The following EN1 variants were observed in gnomAD, a reference collection of about 807,000 sequenced individuals.
The protein encoded by EN1 is homeobox protein engrailed-1.
EN1 carries 8 observed loss-of-function variants against 22.9 expected under a neutral mutation model. That is an observed-to-expected ratio of 0.35 (90% CI 0.20 to 0.63). EN1 has a LOEUF of 0.63. Among genes scored for constraint, EN1 ranks in the 20% least tolerant of loss-of-function variants. The pLI is 0.73. For synonymous variants in EN1, 287 were observed against 262.5 expected (o/e 1.09, Z -0.90); for missense variants, 521 against 572.1 (o/e 0.91, Z 0.91).
chr2:118,846,610 G>A lies in EN1; in HGVS notation c.558C>T (p.Ala186=). The A allele has an allele frequency of 2.1e-6, 3 of 1,411,072 alleles. No individual in the cohort carries two copies. The highest frequency in any genetic ancestry group is 2.8e-6 in the Non-Finnish European group (3 of 1,086,222). The allele number at this position is 1,411,072 out of a possible 1,614,324, so 87.4% of individuals were successfully genotyped here. Residue 186 remains alanine (A), a synonymous_variant, in exon 1 of 2, where the codon GCC becomes GCT. Transcript: ENST00000295206. The surrounding 1 kb of genome is among the most constrained non-coding windows in gnomAD (Gnocchi z 5.0). Reference sequence around the variant, plus strand: ...CTTTAGACGCGCCCGCGCCGGCGGCGGCTGGCTGGGAGCCGTCGGGTGGGC... The same window carrying A: ...CTTTAGACGCGCCCGCGCCGGCGGCAGCTGGCTGGGAGCCGTCGGGTGGGC... The part of the protein sequence containing the change: ...NCGPPDGSQP[A]AAGAGASKAG...
rs757212129 is a variant in EN1 at position 118,846,685 on chromosome 2, G to T, written c.483C>A (p.Thr161=). 1 of 1,583,386 alleles carries T rather than the reference G, an allele frequency of 6.3e-7. No individual in the cohort carries two copies. The highest frequency in any genetic ancestry group is 1.1e-5 in the South Asian group (1 of 88,702). Residue 161 remains threonine (T), a synonymous_variant, in exon 1 of 2, where the codon ACC becomes ACA. Transcript: ENST00000295206. This position sits in a 1 kb window ranked among gnomAD's most constrained non-coding sequence, Gnocchi z 5.0. The part of the protein sequence containing the change: ...AGRDPVHPLG[T]RAPGAASLLC... ...GGAGCGAGGCAGCGCCTGGCGCCCG[G>T]GTGCCCAACGGGTGGACAGGGTCTC...
rs1232545474 is a variant in EN1, at chr2:118,847,134, G to T, written c.34C>A (p.Arg12Ser). 6 of 1,302,790 alleles carry T rather than the reference G, an allele frequency of 4.6e-6. No homozygotes were observed. Among genetic ancestry groups the T allele is most frequent in the Non-Finnish European group, 6.1e-6 (6 of 980,072 alleles). The allele number at this position is 1,302,790 out of a possible 1,614,324, so 80.7% of individuals were successfully genotyped here. The stretch of plus-strand genomic sequence containing the variant: ...GCCGCCGCGCCGAGGGCCGAGTCGC[G>T]CTGACTTTTAGGTTCCGGCTGCTGT... ...EEQQPEPKSQ[R>S]DSALGAAAAA... The change falls in exon 1 of 2, where the codon CGC becomes AGC. Residue 12 changes from arginine (R) to serine (S), a missense_variant. By Grantham distance (110) the Arg-to-Ser change is moderately radical (BLOSUM62 -1). Around this residue, in one of 3 missense-constraint regions of EN1, gnomAD observed 436 missense variants for 410.1 expected, o/e 1.06. Coordinates refer to ENST00000295206, the MANE Select transcript of EN1 (RefSeq NM_001426.4).
In EN1 at chr2:118,847,296, A is replaced by C; in HGVS notation, c.-129T>G. 2.4e-6 allele frequency: 1 copy of C among 410,670 alleles called. No individual in the cohort carries two copies. Among genetic ancestry groups the C allele is most frequent in the East Asian group, 4.0e-5 (1 of 24,808 alleles). The allele number at this position is 410,670 out of a possible 1,614,324, so 25.4% of individuals were successfully genotyped here. A position where few individuals can be genotyped will look rare whatever the true frequency, so the allele number is the denominator to read the frequency against. ...AGGCAGGCGAAGCCTCAGCGAAGGCACGGGGCGGGTGCAGGAAAAAAGCTC... is the reference window on the plus strand; with the variant it reads ...AGGCAGGCGAAGCCTCAGCGAAGGCCCGGGGCGGGTGCAGGAAAAAAGCTC... On this transcript the variant is annotated 5_prime_UTR_variant, in exon 1 of 2. Coordinates refer to ENST00000295206, the MANE Select transcript of EN1 (RefSeq NM_001426.4).
Position 118,846,158 on chromosome 2 carries a change from C to T in EN1, c.862+148G>A, listed in dbSNP as rs954993041. ...AGGATCGCATAGCTGGATGAACATT[C>T]GGTTGTGACTGGAACTGGGGTGAGG... On this transcript the variant is annotated intron_variant, in intron 1 of 1. Coordinates refer to ENST00000295206, the MANE Select transcript of EN1 (RefSeq NM_001426.4). This position sits in a 1 kb window ranked among gnomAD's most constrained non-coding sequence, Gnocchi z 5.0. 52 of 1,257,256 alleles carry T rather than the reference C, an allele frequency of 4.1e-5. No homozygotes were observed. The highest frequency in any genetic ancestry group is 4.8e-5 in the Non-Finnish European group (45 of 927,992). The allele number at this position is 1,257,256 out of a possible 1,614,324, so 77.9% of individuals were successfully genotyped here. A position where few individuals can be genotyped will look rare whatever the true frequency, so the allele number is the denominator to read the frequency against.
intron 1 of EN1, 26 bp from the exon 2 acceptor site, chr2:118,843,280 G>C: frequency 8.2e-7 from 1 of 1,212,970 alleles, no homozygotes. Flanking sequence ...GGGCCGGGGT[G>C]GGGTGGGGGT....
rs139317083 is a variant in EN1 at position 118,844,975 on chromosome 2, T to C, written c.862+1331A>G. Among the ~76,000 whole-genome samples the C allele has an allele frequency of 2.2e-3, 336 of 152,382 alleles. 1 individual carries two copies. The highest frequency in any genetic ancestry group is 7.4e-3 in the African/African-American group (308 of 41,602). On this transcript the variant is annotated intron_variant, in intron 1 of 1. Transcript: ENST00000295206. ...CCCAAAAAGGCCCCACTGCCCGTTC[T>C]GCATCCGGGACATGTTGAAGTGTTG...
intron 1 of EN1, among the ~76,000 whole-genome samples, chr2:118,844,956 A>G (rs1678245771): frequency 6.6e-6 from 1 of 152,180 alleles, no homozygotes; most frequent in African/African-American, 2.4e-5. Context: ...CAGCCCCAAA[A>G]AGGCCCCACT....
At position 118,847,432 on chromosome 2, in the gene EN1, T is replaced by C. The variant is rs933667555; in HGVS notation, c.-265A>G. ...GAGACACTTGGCTATTTCTTTTTTC[T>C]TTCTGCAACCAGATTCAATGATTTG... On this transcript the variant is annotated 5_prime_UTR_variant, in exon 1 of 2. Coordinates refer to ENST00000295206, the MANE Select transcript of EN1 (RefSeq NM_001426.4). The C allele has an allele frequency of 6.3e-5, 20 of 318,316 alleles. No individual in the cohort carries two copies. The highest frequency in any genetic ancestry group is 1.1e-4 in the Non-Finnish European group (19 of 175,756). 19.7% of individuals were successfully genotyped at this position (318,316 alleles called of 1,614,324 possible). A position where few individuals can be genotyped will look rare whatever the true frequency, so the allele number is the denominator to read the frequency against.
In EN1 at chr2:118,846,410, A is replaced by G. The variant is rs761721630; in HGVS notation, c.758T>C (p.Met253Thr). 3.1e-6 allele frequency: 5 copies of G among 1,613,336 alleles called. No homozygotes were observed. The South Asian group carries it at 3.3e-5, about 11-fold the overall frequency. The change falls in exon 1 of 2, where the codon ATG (methionine) becomes ACG (threonine). Residue 253 changes from methionine (M) to threonine (T), a missense_variant. Met to Thr is a moderately conservative substitution (Grantham distance 81). This residue lies in a region of EN1 where 436 missense variants were observed against 410.1 expected (regional missense o/e 1.06). Coordinates refer to ENST00000295206, the MANE Select transcript of EN1 (RefSeq NM_001426.4). The surrounding 1 kb of genome is among the most constrained non-coding windows in gnomAD (Gnocchi z 5.0). ...CACGGGCCCGCCGTTGGCTGAGCCCATAAGTAGGATAGCCGGGTTGCCGTG... is the reference window on the plus strand; with the variant it reads ...CACGGGCCCGCCGTTGGCTGAGCCCGTAAGTAGGATAGCCGGGTTGCCGTG... ...PEHGNPAILL[M>T]GSANGGPVVK...
chr2:118,845,398 C>T (rs1678254154), intron 1 of EN1, among the ~76,000 whole-genome samples: 1 of 152,208 alleles, frequency 6.6e-6, no homozygotes, highest in Admixed American at 6.5e-5. Context: ...GCTCAGGTCT[C>T]CTCCTCGGGT....
chr2:118,845,338 A>C (rs1010153478), intron 1 of EN1, among the ~76,000 whole-genome samples: 4 of 152,216 alleles, frequency 2.6e-5, no homozygotes, highest in African/African-American at 9.6e-5. Flanking sequence ...TCTCCCAGAC[A>C]CTGCGGGCCG....
chr2:118,845,985 G>A (rs1213353866), intron 1 of EN1, among the ~76,000 whole-genome samples: 1 of 152,186 alleles, frequency 6.6e-6, no homozygotes, highest in Non-Finnish European at 1.5e-5. Context: ...ACCCTGGAAA[G>A]AAAATCACTG....
Position 118,847,059 on chromosome 2 carries a change from C to G in EN1, c.109G>C (p.Gly37Arg). ...LSLSLSPGAS[G>R]SSGSGSDGDS... ...CCATCGCTGCCGCTGCCGCTGCTGC[C>G]GCTGGCGCCCGGACTGAGGCTCAGG... The change falls in exon 1 of 2, where the codon GGC becomes CGC. Residue 37 changes from glycine (G) to arginine (R), a missense_variant. Physicochemically the swap from Gly to Arg is moderately radical, Grantham distance 125. Around this residue, in one of 3 missense-constraint regions of EN1, gnomAD observed 436 missense variants for 410.1 expected, o/e 1.06. Coordinates refer to ENST00000295206, the MANE Select transcript of EN1 (RefSeq NM_001426.4). 7.1e-7 allele frequency: 1 copy of G among 1,416,858 alleles called. No homozygotes were observed. The highest frequency in any genetic ancestry group is 9.2e-7 in the Non-Finnish European group (1 of 1,087,550). The allele number at this position is 1,416,858 out of a possible 1,614,324, so 87.8% of individuals were successfully genotyped here.
chr2:118,846,819 A>G lies in EN1; in HGVS notation c.349T>C (p.Cys117Arg). 6.3e-7 allele frequency: 1 copy of G among 1,594,560 alleles called. No homozygotes were observed. The highest frequency in any genetic ancestry group is 8.5e-7 in the Non-Finnish European group (1 of 1,176,590). ...IDNILRPDFGCKKEQPPPQLL... is the reference protein window; with the variant it reads ...IDNILRPDFGRKKEQPPPQLL... ...TGCGGTGGCGGCTGCTCCTTTTTGC[A>G]GCCGAAGTCCGGCCTCAGGATGTTG... Residue 117 changes from cysteine (C) to arginine (R), a missense_variant, in exon 1 of 2, where the codon TGC becomes CGC. This residue lies in a region of EN1 where 436 missense variants were observed against 410.1 expected (regional missense o/e 1.06). Transcript: ENST00000295206. The surrounding 1 kb of genome is among the most constrained non-coding windows in gnomAD (Gnocchi z 5.0).
Position 118,846,289 on chromosome 2 carries a change from C to G in EN1, c.862+17G>C, listed in dbSNP as rs771787747. On this transcript the variant is annotated intron_variant, in intron 1 of 1. Coordinates refer to ENST00000295206, the MANE Select transcript of EN1 (RefSeq NM_001426.4). The surrounding 1 kb of genome is among the most constrained non-coding windows in gnomAD (Gnocchi z 5.0). ...CGGGGCCAGAAGGCATGGCGCAGCC[C>G]GGAGTTGGGTACTCACCGGAGGATG... is the stretch of plus-strand genomic sequence containing the variant. The G allele has an allele frequency of 1.2e-6, 2 of 1,603,660 alleles. No individual in the cohort carries two copies. Among genetic ancestry groups the G allele is most frequent in the Admixed American group, 1.7e-5 (1 of 58,912 alleles).
chr2:118,844,700 G>A (rs1397453262), intron 1 of EN1, among the ~76,000 whole-genome samples: 1 of 152,228 alleles, frequency 6.6e-6, no homozygotes, highest in African/African-American at 2.4e-5. Context: ...CAGGCAGGAG[G>A]CTGGGGTAAC....
chr2:118,844,995 GTGT>G (rs1678246460), intron 1 of EN1, among the ~76,000 whole-genome samples: 1 of 152,266 alleles, frequency 6.6e-6, no homozygotes, highest in Non-Finnish European at 1.5e-5. Flanking sequence ...ACATGTTGAA[GTGT>G]TGTTGTATGT....
Position 118,847,120 on chromosome 2 carries a change from G to A in EN1, c.48C>T (p.Leu16=). Residue 16 remains leucine, a synonymous_variant, in exon 1 of 2, where the codon CTC becomes CTT. Coordinates refer to ENST00000295206, the MANE Select transcript of EN1 (RefSeq NM_001426.4). ...CCGGAGTCGCCGCCGCCGCCGCGCC[G>A]AGGGCCGAGTCGCGCTGACTTTTAG... The part of the protein sequence containing the change: ...PEPKSQRDSA[L]GAAAAATPGG... 7.4e-7 allele frequency: 1 copy of A among 1,351,276 alleles called. No individual in the cohort carries two copies. 83.7% of individuals were successfully genotyped at this position (1,351,276 alleles called of 1,614,324 possible). A position where few individuals can be genotyped will look rare whatever the true frequency, so the allele number is the denominator to read the frequency against.
rs545867667 is a variant in EN1, at chr2:118,846,134, G to C, written c.862+172C>G. 3.3e-5 allele frequency among the ~76,000 whole-genome samples: 5 copies of C among 152,248 alleles called. No homozygotes were observed. In the South Asian group the frequency reaches 1.0e-3, roughly 32 times the overall value. ...TCTCGGGTGGTGGCCGCAGAGGCCA[G>C]GATCGCATAGCTGGATGAACATTCG... On this transcript the variant is annotated intron_variant, in intron 1 of 1. Coordinates refer to ENST00000295206, the MANE Select transcript of EN1 (RefSeq NM_001426.4). This position sits in a 1 kb window ranked among gnomAD's most constrained non-coding sequence, Gnocchi z 5.0.
Sources: gnomAD v4.1 joint callset for allele counts (sites outside exome capture counted in the v4.1 genomes callset) on GRCh38, gnomAD v4.1.1 for gene constraint, gnomAD v4.1.1 regional missense constraint, Gnocchi (gnomAD v3.1) non-coding constraint, MANE v1.5 for transcripts, NCBI Gene and HGNC (gene_info 2026-07-23, HGNC 2026-07-21) for gene names.